The following POU2AF2 variants were observed in gnomAD, a reference collection of about 807,000 sequenced individuals.
The protein encoded by POU2AF2 is POU domain class 2-associating factor 2.
the POU2AF2 span, among the ~76,000 whole-genome samples, chr11:111,271,415 C>CT: frequency 4.0e-5 from 6 of 151,808 alleles, no homozygotes; most frequent in Admixed American, 1.3e-4. Flanking sequence ...TTTTTTATTT[C>CT]TTTTTTTTCT....
At chr11:111,279,542 A>G in the POU2AF2 span, among the ~76,000 whole-genome samples, 2 of 152,134 alleles carry the variant, frequency 1.3e-5, no homozygotes, top group Non-Finnish European at 2.9e-5. Flanking sequence ...TTGAGGTTGT[A>G]TCACTCAAAC....
At chr11:111,275,557 CTAGAGGAAA>C in the POU2AF2 span, among the ~76,000 whole-genome samples, 1 of 152,142 alleles carries the variant, frequency 6.6e-6, no homozygotes, top group African/African-American at 2.4e-5. Flanking sequence ...CATAAATCTT[CTAGAGGAAA>C]GCAGCCTCAA....
At chr11:111,261,475 G>A in the POU2AF2 span, among the ~76,000 whole-genome samples, 1 of 152,152 alleles carries the variant, frequency 6.6e-6, no homozygotes, top group Non-Finnish European at 1.5e-5. Flanking sequence ...AAGTTGGTGA[G>A]TGATTTTCAG....
the POU2AF2 span, among the ~76,000 whole-genome samples, chr11:111,258,043 G>C: frequency 6.6e-6 from 1 of 152,166 alleles, no homozygotes; most frequent in East Asian, 1.9e-4. Flanking sequence ...ATTTGAACCT[G>C]GGAGGCAGAG....
At chr11:111,281,690 G>C in the POU2AF2 span, among the ~76,000 whole-genome samples, 150 of 152,304 alleles carry the variant, frequency 9.8e-4, no homozygotes, top group African/African-American at 3.5e-3. Context: ...TTATGCCCTT[G>C]ATACAGTTTT....
At chr11:111,259,474 C>G in the POU2AF2 span, among the ~76,000 whole-genome samples, 2 of 152,158 alleles carry the variant, frequency 1.3e-5, no homozygotes, top group East Asian at 3.9e-4. Flanking sequence ...TGCCACCATG[C>G]CTGGCTAATT....
the POU2AF2 span, among the ~76,000 whole-genome samples, chr11:111,249,023 T>C: frequency 3.7e-4 from 56 of 152,370 alleles, no homozygotes; most frequent in South Asian, 0.012. Context: ...ATTTGTTGCA[T>C]GGACACAAAC....
chr11:111,276,451 AAAATATATATATATATATAT>A, the POU2AF2 span, among the ~76,000 whole-genome samples: 1 of 41,960 alleles, frequency 2.4e-5, no homozygotes, highest in Non-Finnish European at 5.9e-5. Context: ...AAAAAAAAAA[AAAATATATATATATATATAT>A]ATATATATAT....
the POU2AF2 span, among the ~76,000 whole-genome samples, chr11:111,273,781 A>G: frequency 6.6e-6 from 1 of 152,160 alleles, no homozygotes; most frequent in Non-Finnish European, 1.5e-5. Flanking sequence ...GTGACCTATT[A>G]GTTCAAATTA....
the POU2AF2 span, among the ~76,000 whole-genome samples, chr11:111,251,165 C>T: frequency 6.6e-6 from 1 of 152,014 alleles, no homozygotes; most frequent in African/African-American, 2.4e-5. Flanking sequence ...TAGAAATTGC[C>T]CTGGATGGAG....
At chr11:111,246,935 C>T in the POU2AF2 span, among the ~76,000 whole-genome samples, 1 of 152,140 alleles carries the variant, frequency 6.6e-6, no homozygotes, top group African/African-American at 2.4e-5. Context: ...ACACTGGCTA[C>T]TTTGTATTTT....
the POU2AF2 span, among the ~76,000 whole-genome samples, chr11:111,277,361 G>C: frequency 6.6e-6 from 1 of 152,186 alleles, no homozygotes; most frequent in Admixed American, 6.5e-5. Flanking sequence ...CTGGGGAGGA[G>C]TCGGTACTGT....
the POU2AF2 span, among the ~76,000 whole-genome samples, chr11:111,261,216 C>A: frequency 6.6e-6 from 1 of 151,110 alleles, no homozygotes; most frequent in African/African-American, 2.4e-5. Flanking sequence ...GATCTTCTAC[C>A]AAGATATATA....
chr11:111,286,081 T>C, the POU2AF2 span: 4 of 1,597,816 alleles, frequency 2.5e-6, no homozygotes, highest in Non-Finnish European at 2.6e-6. Flanking sequence ...CTTCTGGGTT[T>C]TTCTTTAACT....
the POU2AF2 span, among the ~76,000 whole-genome samples, chr11:111,266,963 T>A: frequency 6.6e-6 from 1 of 152,120 alleles, no homozygotes; most frequent in South Asian, 2.1e-4. Context: ...TGCTCAGCTC[T>A]CATGTCACCC....
chr11:111,274,673 T>A, the POU2AF2 span, among the ~76,000 whole-genome samples: 1 of 149,614 alleles, frequency 6.7e-6, no homozygotes, highest in Non-Finnish European at 1.5e-5. Context: ...TTATATAATA[T>A]ATAAATTTAT....
At chr11:111,282,604 G>A in the POU2AF2 span, among the ~76,000 whole-genome samples, 1 of 152,220 alleles carries the variant, frequency 6.6e-6, no homozygotes, top group Non-Finnish European at 1.5e-5. Context: ...CTCGCAGGTT[G>A]ACTGGAAAGA....
chr11:111,269,977 A>G, the POU2AF2 span, among the ~76,000 whole-genome samples: 6 of 152,234 alleles, frequency 3.9e-5, no homozygotes, highest in African/African-American at 1.4e-4. Flanking sequence ...GAGATTTGCA[A>G]TAAATATATG....
the POU2AF2 span, among the ~76,000 whole-genome samples, chr11:111,247,223 G>A: frequency 2.8e-4 from 42 of 151,090 alleles, no homozygotes; most frequent in Admixed American, 6.6e-4. Flanking sequence ...GAGAGAGACC[G>A]TATTTCTTTA....
Sources: gnomAD v4.1 joint callset for allele counts (sites outside exome capture counted in the v4.1 genomes callset) on GRCh38, gnomAD v4.1.1 for gene constraint, MANE v1.5 for transcripts, NCBI Gene and HGNC (gene_info 2026-07-23, HGNC 2026-07-21) for gene names.